TRDN: variants seen among roughly 807,000 people sequenced by gnomAD.
The protein encoded by TRDN is triadin in skeletal muscle.
In TRDN, 161 loss-of-function variants were observed where a neutral mutation model predicts 149.7. That is an observed-to-expected ratio of 1.08 (90% CI 0.95 to 1.23). The LOEUF (loss-of-function observed/expected upper bound fraction) is 1.23. Ranked by LOEUF, TRDN falls within the 50% of genes most tolerant of loss-of-function variation. The pLI, the probability that TRDN is intolerant of heterozygous loss-of-function variation, is 0.00. For missense variants in TRDN, 896 were observed against 823.5 expected (o/e 1.09, Z -1.08); for synonymous variants, 294 against 250.5 (o/e 1.17, Z -1.64).
At chr6:123,455,406 CTG>C (rs71751722) in intron 10 of TRDN, among the ~76,000 whole-genome samples, 39,840 of 145,478 alleles carry the variant, frequency 0.27, 5,833 homozygotes, top group East Asian at 0.6. Flanking sequence ...AAGGCAACCA[CTG>C]TGTGTGTGTG....
chr6:123,364,432 AT>A (rs1473072075), intron 20 of TRDN, among the ~76,000 whole-genome samples: 1 of 152,118 alleles, frequency 6.6e-6, no homozygotes, highest in Admixed American at 6.6e-5. Context: ...ACGTCAAGAG[AT>A]TGAGACCACC....
intron 5 of TRDN, among the ~76,000 whole-genome samples, chr6:123,519,239 GGCATCTGAGTT>G (rs2114272014): frequency 6.6e-6 from 1 of 152,264 alleles, no homozygotes; most frequent in South Asian, 2.1e-4. Flanking sequence ...CCTGATGTCT[GGCATCTGAGTT>G]GGCATGGGCC....
chr6:123,284,604 C>G (rs1185401878), intron 24 of TRDN, among the ~76,000 whole-genome samples: 1 of 152,004 alleles, frequency 6.6e-6, no homozygotes, highest in African/African-American at 2.4e-5. Flanking sequence ...AAAACTAGAA[C>G]AGGACAAGGA....
intron 9 of TRDN, among the ~76,000 whole-genome samples, chr6:123,487,583 T>A (rs1050111343): frequency 3.3e-5 from 5 of 152,084 alleles, no homozygotes; most frequent in Admixed American, 3.3e-4. Context: ...CTGCTTAAAG[T>A]CCTTCAAAGA....
chr6:123,332,884 A>T (rs1779713589), intron 22 of TRDN, among the ~76,000 whole-genome samples: 1 of 152,036 alleles, frequency 6.6e-6, no homozygotes, highest in East Asian at 1.9e-4. Context: ...ATTGATTTTG[A>T]GGTTTTATTA....
At chr6:123,615,626 T>C (rs1309705961) in intron 1 of TRDN, among the ~76,000 whole-genome samples, 5 of 152,164 alleles carry the variant, frequency 3.3e-5, no homozygotes, top group African/African-American at 1.2e-4. Context: ...GGATGAGCTA[T>C]GTCAAGTGAG....
At chr6:123,232,980 C>T (rs1053046536) in intron 38 of TRDN, among the ~76,000 whole-genome samples, 2 of 152,004 alleles carry the variant, frequency 1.3e-5, no homozygotes, top group Admixed American at 6.6e-5. Flanking sequence ...AAGAAATCCT[C>T]GTAAGTAAAC....
intron 5 of TRDN, among the ~76,000 whole-genome samples, chr6:123,522,137 A>T (rs1453330210): frequency 6.6e-6 from 1 of 152,048 alleles, no homozygotes; most frequent in Non-Finnish European, 1.5e-5. Flanking sequence ...TGTTAAGTAA[A>T]CTTCTCCATT....
At chr6:123,280,348 G>A (rs1777536540) in intron 24 of TRDN, among the ~76,000 whole-genome samples, 1 of 152,154 alleles carries the variant, frequency 6.6e-6, no homozygotes, top group Admixed American at 6.6e-5. Flanking sequence ...AATAAGCTTT[G>A]AAGTTCAATA....
intron 38 of TRDN, among the ~76,000 whole-genome samples, chr6:123,252,020 C>T (rs1023042014): frequency 6.6e-6 from 1 of 152,016 alleles, no homozygotes; most frequent in Non-Finnish European, 1.5e-5. Flanking sequence ...TTAACGAACA[C>T]TAGAAAACAG....
chr6:123,259,938 C>T (rs191185768), intron 34 of TRDN, among the ~76,000 whole-genome samples: 1 of 151,392 alleles, frequency 6.6e-6, no homozygotes, highest in Non-Finnish European at 1.5e-5. Context: ...TTTTTTCCTC[C>T]TCCTCTTCCT....
chr6:123,228,846 G>T (rs7741771), intron 38 of TRDN, among the ~76,000 whole-genome samples: 64,374 of 151,650 alleles, frequency 0.42, 14,103 homozygotes, highest in Admixed American at 0.55. Flanking sequence ...AAATGAAGGA[G>T]AAGGCATTCC....
rs1582808090 is a variant in TRDN at position 123,273,343 on chromosome 6, T to C, written c.1618A>G (p.Ile540Val). The change falls in exon 28 of 41, where the codon ATA becomes GTA. Residue 540 changes from isoleucine to valine, a missense_variant. Ile to Val is a conservative substitution (Grantham distance 29). Coordinates refer to ENST00000334268, the MANE Select transcript of TRDN (RefSeq NM_006073.4). ...AGATAAAATTAATACATACTGTGTA[T>C]TTGCACTTTTTCAGATATAGCTAAA... ...AKPAISEKVQ[I>V]HKQDIVKPEK... 9.5e-7 allele frequency: 1 copy of C among 1,050,186 alleles called. No homozygotes were observed. Among genetic ancestry groups the C allele is most frequent in the East Asian group, 4.8e-5 (1 of 20,948 alleles). The allele number at this position is 1,050,186 out of a possible 1,614,324, so 65.1% of individuals were successfully genotyped here.
intron 2 of TRDN, among the ~76,000 whole-genome samples, chr6:123,565,483 T>C (rs912436793): frequency 2.0e-5 from 3 of 152,210 alleles, no homozygotes; most frequent in African/African-American, 7.2e-5. Flanking sequence ...TGTTAGATGA[T>C]ATTGTTGTCC....
At chr6:123,582,269 G>C (rs1783158675) in intron 1 of TRDN, among the ~76,000 whole-genome samples, 1 of 152,106 alleles carries the variant, frequency 6.6e-6, no homozygotes, top group Admixed American at 6.6e-5. Context: ...GTAAGAGTTA[G>C]TTTATTATCT....
intron 5 of TRDN, among the ~76,000 whole-genome samples, chr6:123,526,691 A>C (rs537476896): frequency 2.0e-4 from 30 of 152,188 alleles, no homozygotes; most frequent in African/African-American, 6.3e-4. Context: ...AAACACTCAT[A>C]CAATATTAAA....
At chr6:123,533,922 A>G (rs1441891349) in intron 4 of TRDN, among the ~76,000 whole-genome samples, 1 of 152,160 alleles carries the variant, frequency 6.6e-6, no homozygotes, top group African/African-American at 2.4e-5. Flanking sequence ...ATTTCAGAGC[A>G]GTTATTTTTT....
intron 8 of TRDN, among the ~76,000 whole-genome samples, chr6:123,499,655 G>T (rs1778595812): frequency 7.6e-6 from 1 of 131,924 alleles, no homozygotes; most frequent in Non-Finnish European, 1.6e-5. Context: ...AGTGAGCTGA[G>T]ATTGTGCCAC....
At chr6:123,588,082 C>T (rs892946797) in intron 1 of TRDN, among the ~76,000 whole-genome samples, 1 of 152,038 alleles carries the variant, frequency 6.6e-6, no homozygotes, top group African/African-American at 2.4e-5. Context: ...TGGCAAATGT[C>T]TCTTATCAGA....
Sources: allele counts gnomAD v4.1 joint callset (sites outside exome capture counted in the v4.1 genomes callset), GRCh38; gene constraint gnomAD v4.1.1; transcripts MANE v1.5; gene names NCBI Gene and HGNC (gene_info 2026-07-23, HGNC 2026-07-21).